Variants in GRIK4 observed in about 807,000 individuals in gnomAD.
The protein encoded by GRIK4 is glutamate ionotropic receptor kainate type subunit 4.
Under a neutral mutation model 104.9 loss-of-function variants are expected in GRIK4, and 40 were observed. That is an observed-to-expected ratio of 0.38 (90% confidence interval 0.30 to 0.50). GRIK4 has a LOEUF of 0.50. Ranked by LOEUF, GRIK4 falls within the 20% of genes least tolerant of loss-of-function variation. The pLI is 0.93. For synonymous variants in GRIK4, 485 were observed against 524.9 expected (o/e 0.92, Z 1.04); for missense variants, 1,047 against 1,308.1 (o/e 0.80, Z 3.08).
At chr11:120,751,017 G>T (rs1178928814) in intron 3 of GRIK4, among the ~76,000 whole-genome samples, 1 of 152,208 alleles carries the variant, frequency 6.6e-6, no homozygotes, top group African/African-American at 2.4e-5. Flanking sequence ...TAATTGCGGA[G>T]GGTTCCTGTC....
At chr11:120,606,794 G>T (rs1344623711) in intron 1 of GRIK4, among the ~76,000 whole-genome samples, 2 of 152,234 alleles carry the variant, frequency 1.3e-5, no homozygotes, top group African/African-American at 4.8e-5. Flanking sequence ...TTGAGCTCAG[G>T]CTTCAGCTAA....
intron 1 of GRIK4, among the ~76,000 whole-genome samples, chr11:120,638,696 C>G (rs1174431004): frequency 6.6e-6 from 1 of 151,864 alleles, no homozygotes; most frequent in African/African-American, 2.4e-5. Flanking sequence ...CCAGGATGGT[C>G]TCAATCTCCT....
At chr11:120,713,308 C>T (rs545716088) in intron 3 of GRIK4, among the ~76,000 whole-genome samples, 19 of 152,254 alleles carry the variant, frequency 1.2e-4, no homozygotes, top group African/African-American at 2.9e-4. Flanking sequence ...ACATGCTAAG[C>T]ACACCCCCTC....
chr11:120,951,809 C>T (rs1356527794), intron 14 of GRIK4, among the ~76,000 whole-genome samples: 9 of 152,202 alleles, frequency 5.9e-5, no homozygotes, highest in Admixed American at 5.9e-4. Flanking sequence ...TGGATCACCC[C>T]ATTTTTTAAA....
chr11:120,568,909 G>T (rs766973238), intron 1 of GRIK4, among the ~76,000 whole-genome samples: 3 of 152,146 alleles, frequency 2.0e-5, no homozygotes, highest in Non-Finnish European at 4.4e-5. Flanking sequence ...CTCCAGTTTG[G>T]GTTTGCAAAG....
intron 3 of GRIK4, among the ~76,000 whole-genome samples, chr11:120,669,666 C>T (rs568767146): frequency 1.3e-5 from 2 of 152,352 alleles, no homozygotes; most frequent in East Asian, 3.9e-4. Context: ...CACTTTTTCA[C>T]TTGGCTTCTA....
chr11:120,805,573 G>A (rs1009709911), intron 4 of GRIK4, among the ~76,000 whole-genome samples: 1 of 152,184 alleles, frequency 6.6e-6, no homozygotes, highest in African/African-American at 2.4e-5. Context: ...CCTCAGTTCA[G>A]TTTTTACATC....
chr11:120,698,353 C>T lies in GRIK4; in HGVS notation c.82+37953C>T, dbSNP rs370856351. On this transcript the variant is annotated intron_variant, in intron 3 of 20. Coordinates refer to ENST00000527524, the MANE Select transcript of GRIK4 (RefSeq NM_014619.5). ...CAGGGTCCCTGTTAAGAACTAATGG[C>T]TTTGCATTAAGAGAAGTTTGGGTCT... Among the ~76,000 whole-genome samples, 124 of 152,302 alleles carry T rather than the reference C, an allele frequency of 8.1e-4. 2 individuals are homozygous for T. In the South Asian group the frequency reaches 0.025, roughly 31 times the overall value.
At chr11:120,736,801 C>T (rs1165625668) in intron 3 of GRIK4, among the ~76,000 whole-genome samples, 1 of 151,562 alleles carries the variant, frequency 6.6e-6, no homozygotes, top group Non-Finnish European at 1.5e-5. Context: ...CTGCCCACCT[C>T]TGTTCACTGA....
intron 11 of GRIK4, 111 bp downstream of exon 11, chr11:120,875,354 G>A (rs1682147704): frequency 1.4e-6 from 1 of 725,616 alleles, no homozygotes; most frequent in Non-Finnish European, 2.5e-6. Context: ...ACAGCAGCAG[G>A]CTGGATCCTG....
chr11:120,853,801 G>A (rs1209423455), intron 8 of GRIK4, among the ~76,000 whole-genome samples: 6 of 152,196 alleles, frequency 3.9e-5, no homozygotes, highest in African/African-American at 1.4e-4. Flanking sequence ...CAGGACTCCT[G>A]GGGTGAGAAC....
In GRIK4 at chr11:120,953,568, G is replaced by A. The variant is rs977323797; in HGVS notation, c.1700+604G>A. ...GCAAGGAGACGGGATGGAGAGAGGCGTTTTCAAGAAGTGCTGAGTTGAGAC... is the reference window on the plus strand; with the variant it reads ...GCAAGGAGACGGGATGGAGAGAGGCATTTTCAAGAAGTGCTGAGTTGAGAC... On this transcript the variant is annotated intron_variant, in intron 15 of 20. Coordinates refer to ENST00000527524, the MANE Select transcript of GRIK4 (RefSeq NM_014619.5). The surrounding 1 kb of genome is among the most constrained non-coding windows in gnomAD (Gnocchi z 4.9). Among the ~76,000 whole-genome samples, 23 of 152,106 alleles carry A rather than the reference G, an allele frequency of 1.5e-4. No individual in the cohort carries two copies. Among genetic ancestry groups the A allele is most frequent in the Admixed American group, 1.2e-3 (19 of 15,274 alleles).
Position 120,967,862 on chromosome 11 carries a change from C to T in GRIK4, c.2395+539C>T, listed in dbSNP as rs1031069477. ...CCCCAAGCCTCCCATGTGGCTCTTCCACCCCAGGGCCTGTGCACCTGTTCC... is the reference window on the plus strand; with the variant it reads ...CCCCAAGCCTCCCATGTGGCTCTTCTACCCCAGGGCCTGTGCACCTGTTCC... On this transcript the variant is annotated intron_variant, in intron 19 of 20. Transcript: ENST00000527524. The surrounding 1 kb of genome is among the most constrained non-coding windows in gnomAD (Gnocchi z 4.2). Among the ~76,000 whole-genome samples, 1 of 152,058 alleles carries T rather than the reference C, an allele frequency of 6.6e-6. No homozygotes were observed. Among genetic ancestry groups the T allele is most frequent in the African/African-American group, 2.4e-5 (1 of 41,406 alleles).
intron 11 of GRIK4, among the ~76,000 whole-genome samples, chr11:120,892,460 G>A (rs1444104510): frequency 6.6e-6 from 1 of 152,140 alleles, no homozygotes; most frequent in Non-Finnish European, 1.5e-5. Flanking sequence ...CAAGATCAGT[G>A]GGGATTTTGA....
intron 3 of GRIK4, among the ~76,000 whole-genome samples, chr11:120,740,804 C>G (rs566181599): frequency 3.9e-5 from 6 of 152,150 alleles, no homozygotes; most frequent in Non-Finnish European, 7.4e-5. Flanking sequence ...ATGGCCTCTC[C>G]CACCCTTCTC....
chr11:120,695,435 C>T (rs980587676), intron 3 of GRIK4, among the ~76,000 whole-genome samples: 11 of 152,200 alleles, frequency 7.2e-5, no homozygotes, highest in East Asian at 1.9e-4. Context: ...CATGCAGGCC[C>T]CTGTGAGAAA....
chr11:120,554,348 C>T (rs1391506492), intron 1 of GRIK4, among the ~76,000 whole-genome samples: 3 of 152,146 alleles, frequency 2.0e-5, no homozygotes, highest in Non-Finnish European at 2.9e-5. Context: ...CATCTCCTGG[C>T]GTAGTAAGTG....
chr11:120,873,850 C>T, intron 9 of GRIK4: 1 of 490,974 alleles, frequency 2.0e-6, no homozygotes, highest in Non-Finnish European at 3.6e-6. Flanking sequence ...GAATCCTTTG[C>T]CACCATTGTG....
intron 6 of GRIK4, among the ~76,000 whole-genome samples, chr11:120,820,667 C>T (rs550262728): frequency 4.6e-5 from 7 of 152,302 alleles, no homozygotes; most frequent in South Asian, 2.1e-4. Flanking sequence ...CTGTGTCCTG[C>T]GCAGCTCACC....
Sources: gnomAD v4.1 joint callset for allele counts (sites outside exome capture counted in the v4.1 genomes callset) on GRCh38, gnomAD v4.1.1 for gene constraint, Gnocchi (gnomAD v3.1) non-coding constraint, MANE v1.5 for transcripts, NCBI Gene and HGNC (gene_info 2026-07-23, HGNC 2026-07-21) for gene names.